Variants in RP1 observed in about 807,000 individuals in gnomAD.
RP1 encodes RP1 axonemal microtubule associated.
Under a neutral mutation model 14.8 loss-of-function variants are expected in RP1, and 16 were observed. The ratio of observed to expected loss-of-function variants is 1.08; its 90% CI spans 0.73 to 1.65. The LOEUF (loss-of-function observed/expected upper bound fraction) is 1.65, where lower values mean the gene tolerates loss of function less well. Ranked by LOEUF, RP1 falls within the 40% of genes most tolerant of loss-of-function variation. The pLI is 0.00. For missense variants in RP1, 2,631 were observed against 2,535.0 expected, an observed-to-expected ratio of 1.04 and a Z score of -0.81; for synonymous variants, 876 against 883.6, an observed-to-expected ratio of 0.99 and a Z score of 0.15.
upstream of RP1, among the ~76,000 whole-genome samples, chr8:54,614,453 A>C (rs1200731390): frequency 6.6e-6 from 1 of 152,080 alleles, no homozygotes; most frequent in Non-Finnish European, 1.5e-5. Flanking sequence ...GTAGACTCTC[A>C]GACCCCACCC....
intron 24 of RP1, among the ~76,000 whole-genome samples, chr8:54,801,372 C>T (rs545030169): frequency 1.4e-4 from 21 of 152,288 alleles, no homozygotes; most frequent in African/African-American, 5.1e-4. Flanking sequence ...ACAAGTATTC[C>T]CGCTTCTCCT....
At chr8:54,708,623 T>A (rs1488480423) in intron 15 of RP1, among the ~76,000 whole-genome samples, 1 of 152,168 alleles carries the variant, frequency 6.6e-6, no homozygotes, top group African/African-American at 2.4e-5. Context: ...CCTCCCAAAG[T>A]GCTGGGATTA....
At chr8:54,857,810 TC>T (rs1184291857) in intron 27 of RP1, among the ~76,000 whole-genome samples, 1 of 152,098 alleles carries the variant, frequency 6.6e-6, no homozygotes, top group East Asian at 1.9e-4. Context: ...CCATGTCTTC[TC>T]CCCAGGCACA....
At chr8:54,665,572 C>T (rs1394168947) in intron 7 of RP1, among the ~76,000 whole-genome samples, 1 of 152,180 alleles carries the variant, frequency 6.6e-6, no homozygotes, top group Non-Finnish European at 1.5e-5. Flanking sequence ...GAGTTTATCT[C>T]TCACTCACTC....
intron 24 of RP1, among the ~76,000 whole-genome samples, chr8:54,814,893 C>T (rs927248162): frequency 2.0e-5 from 3 of 152,230 alleles, no homozygotes; most frequent in Non-Finnish European, 4.4e-5. Flanking sequence ...CACCTGGCCA[C>T]TGCCATAGAA....
At chr8:54,755,616 C>T (rs1308937599) in intron 20 of RP1, 1 of 1,535,680 alleles carries the variant, frequency 6.5e-7, no homozygotes, top group Admixed American at 2.0e-5. Flanking sequence ...GTTGCTTTGC[C>T]AGTAGTGAGA....
intron 12 of RP1, among the ~76,000 whole-genome samples, chr8:54,686,503 G>T (rs1283318775): frequency 6.6e-6 from 1 of 151,730 alleles, no homozygotes; most frequent in African/African-American, 2.4e-5. Context: ...GAGTTCTGCT[G>T]AACCACTTCT....
intron 24 of RP1, among the ~76,000 whole-genome samples, chr8:54,798,185 T>C (rs1375338422): frequency 6.6e-6 from 1 of 152,034 alleles, no homozygotes; most frequent in African/African-American, 2.4e-5. Context: ...GGCTAAGTTT[T>C]TTGTATTTTA....
exon 22 of RP1, chr8:54,759,069 T>C (rs1188041046): frequency 2.0e-6 from 3 of 1,534,730 alleles, no homozygotes; most frequent in Non-Finnish European, 2.6e-6. Context: ...CATCTTTACC[T>C]GTCAAAGGTA....
At chr8:54,563,318 C>T (rs1387472737) in intron 1 of RP1, among the ~76,000 whole-genome samples, 1 of 152,182 alleles carries the variant, frequency 6.6e-6, no homozygotes, top group Non-Finnish European at 1.5e-5. Context: ...GTTATGGGCT[C>T]CTCAGAGCCT....
At chr8:54,851,087 G>A (rs568982124) in intron 25 of RP1, among the ~76,000 whole-genome samples, 9 of 152,282 alleles carry the variant, frequency 5.9e-5, no homozygotes, top group Middle Eastern at 3.4e-3. Context: ...GTGCATGTGC[G>A]TGCATACTTT....
chr8:54,731,116 A>G (rs925652083), intron 17 of RP1, among the ~76,000 whole-genome samples: 1 of 152,154 alleles, frequency 6.6e-6, no homozygotes, highest in Non-Finnish European at 1.5e-5. Context: ...GCTGACCTTA[A>G]CTTTAATCAA....
At chr8:54,658,274 G>A (rs1015324886) in intron 6 of RP1, among the ~76,000 whole-genome samples, 2 of 149,896 alleles carry the variant, frequency 1.3e-5, no homozygotes, top group Admixed American at 6.6e-5. Flanking sequence ...TGCGTAGGCC[G>A]GGCGCGGTGG....
chr8:54,799,388 C>A (rs1810648317), intron 24 of RP1, among the ~76,000 whole-genome samples: 1 of 151,958 alleles, frequency 6.6e-6, no homozygotes, highest in Non-Finnish European at 1.5e-5. Flanking sequence ...TCTTTATAGT[C>A]AATGGGTTTC....
chr8:54,767,877 G>A (rs1441199953), intron 22 of RP1, among the ~76,000 whole-genome samples: 2 of 152,248 alleles, frequency 1.3e-5, no homozygotes, highest in African/African-American at 2.4e-5. Flanking sequence ...GTGAGCTAAA[G>A]TGGTCAGAAG....
chr8:54,844,356 C>T lies in RP1; in HGVS notation c.3835+6687C>T, dbSNP rs548543939. ...GGCAAAAACGCAGTTACTTTTGCAC[C>T]AACCTATAGAAGGACCTGAGTGGAG... On this transcript the variant is annotated intron_variant, in intron 25 of 28. Transcript: ENST00000637698. 2.6e-5 allele frequency among the ~76,000 whole-genome samples: 4 copies of T among 152,258 alleles called. No homozygotes were observed. The South Asian group carries it at 8.3e-4, about 32-fold the overall frequency.
intron 24 of RP1, among the ~76,000 whole-genome samples, chr8:54,792,336 G>C (rs1810483675): frequency 1.3e-5 from 2 of 151,866 alleles, no homozygotes; most frequent in Non-Finnish European, 2.9e-5. Context: ...GAAACCATGG[G>C]TTTGAACAAT....
At chr8:54,781,451 A>G (rs1810186092) in intron 23 of RP1, among the ~76,000 whole-genome samples, 1 of 152,216 alleles carries the variant, frequency 6.6e-6, no homozygotes, top group Non-Finnish European at 1.5e-5. Context: ...ATCTGAAGTC[A>G]TATTCTTTTG....
rs747785389 is a variant in RP1 at position 54,628,986 on chromosome 8, G to A, written c.5104G>A (p.Asp1702Asn). The A allele has an allele frequency of 3.7e-6, 6 of 1,614,102 alleles. No individual in the cohort carries two copies. The highest frequency in any genetic ancestry group is 2.5e-6 in the Non-Finnish European group (3 of 1,179,984). ...MLQEFQEERQ[D>N]KCDVSAVRDN... ...GCAGGAATTCCAGGAGGAAAGACAAGATAAGTGTGATGTTAGTGCTGTGAG... is the reference window on the plus strand; with the variant it reads ...GCAGGAATTCCAGGAGGAAAGACAAAATAAGTGTGATGTTAGTGCTGTGAG... The change falls in exon 4 of 4, where the codon GAT becomes AAT. Residue 1702 changes from aspartate (D) to asparagine (N), a missense_variant. Coordinates refer to ENST00000220676, the MANE Select transcript of RP1 (RefSeq NM_006269.2).
Sources: allele counts gnomAD v4.1 joint callset (sites outside exome capture counted in the v4.1 genomes callset), GRCh38; gene constraint gnomAD v4.1.1; transcripts MANE v1.5; gene names NCBI Gene and HGNC (gene_info 2026-07-23, HGNC 2026-07-21).